Variants in AGK observed in about 807,000 individuals in gnomAD.
AGK encodes the protein acylglycerol kinase, mitochondrial.
Under a neutral mutation model 66.4 loss-of-function variants are expected in AGK, and 52 were observed. The observed-to-expected ratio is 0.78, with a 90% CI of 0.63 to 0.99. The LOEUF (loss-of-function observed/expected upper bound fraction) is 0.99. AGK is among the 50% of genes least tolerant of loss of function. The pLI is 0.00. For missense variants in AGK, 451 were observed against 506.6 expected (o/e 0.89, Z 1.05); for synonymous variants, 182 against 181.1 (o/e 1.00, Z -0.04).
chr7:141,601,098 G>A (rs1796330714), intron 4 of AGK, 107 bp from the exon 5 acceptor site: 7 of 723,016 alleles, frequency 9.7e-6, no homozygotes, highest in Non-Finnish European at 1.1e-5. Flanking sequence ...AAGGAAACCC[G>A]TATTGCATAG....
chr7:141,592,321 A>G (rs1796138596), intron 2 of AGK, among the ~76,000 whole-genome samples: 1 of 152,188 alleles, frequency 6.6e-6, no homozygotes, highest in Non-Finnish European at 1.5e-5. Context: ...AGGCCACCAC[A>G]TTCCTTGACT....
intron 14 of AGK, chr7:141,650,813 T>C (rs1309211446): frequency 2.9e-6 from 1 of 341,942 alleles, no homozygotes. Context: ...AATCCACAGG[T>C]TGTCAAGCCC....
At chr7:141,554,600 G>C (rs189841801) in intron 1 of AGK, among the ~76,000 whole-genome samples, 1 of 152,160 alleles carries the variant, frequency 6.6e-6, no homozygotes, top group Admixed American at 6.5e-5. Context: ...TTAGGCATGG[G>C]ATACAGCAGT....
chr7:141,623,413 A>T lies in AGK; in HGVS notation c.588+1612A>T, dbSNP rs542032649. ...AAAAAGAAAAAAAAAAGAAAGAAAA[A>T]AAAAAAGAAAGTGAAGCAGCCATGT... On this transcript the variant is annotated intron_variant, in intron 9 of 15. Transcript: ENST00000649286. 1.1e-4 allele frequency among the ~76,000 whole-genome samples: 17 copies of T among 151,982 alleles called. No homozygotes were observed. The East Asian group carries it at 2.7e-3, about 24-fold the overall frequency.
chr7:141,623,642 A>G (rs1796874308), intron 9 of AGK, among the ~76,000 whole-genome samples: 1 of 152,242 alleles, frequency 6.6e-6, no homozygotes, highest in African/African-American at 2.4e-5. Flanking sequence ...CCTCCTCCTA[A>G]CATAAAGTGC....
chr7:141,563,888 C>G lies in AGK; in HGVS notation c.101+8321C>G, dbSNP rs200945044. ...CCAACACATCATACGTTCCTCAACT[C>G]CATTTTTCACATGTCATTCCTGGGC... On this transcript the variant is annotated intron_variant, in intron 2 of 15. Transcript: ENST00000649286. Among the ~76,000 whole-genome samples the G allele has an allele frequency of 2.6e-5, 4 of 152,214 alleles. No individual in the cohort carries two copies. In the East Asian group the frequency reaches 7.7e-4, roughly 29 times the overall value.
intron 15 of AGK, 66 bp downstream of exon 15, chr7:141,651,675 G>A (rs1419202518): frequency 7.0e-7 from 1 of 1,432,384 alleles, no homozygotes; most frequent in East Asian, 2.3e-5. Flanking sequence ...CCCCTCTGTG[G>A]TGTCCCATCC....
chr7:141,558,258 A>G (rs1372645015), intron 2 of AGK, among the ~76,000 whole-genome samples: 2 of 151,828 alleles, frequency 1.3e-5, no homozygotes, highest in African/African-American at 4.8e-5. Flanking sequence ...CCGAGGTTCA[A>G]GTGATTCTCT....
intron 8 of AGK, among the ~76,000 whole-genome samples, chr7:141,619,555 C>T (rs1796779697): frequency 6.6e-6 from 1 of 151,722 alleles, no homozygotes; most frequent in African/African-American, 2.4e-5. Flanking sequence ...GGATTGTAAA[C>T]CTATATATAA....
chr7:141,593,335 A>G (rs1330474451), intron 3 of AGK, 150 bp downstream of exon 3: 6 of 744,356 alleles, frequency 8.1e-6, no homozygotes, highest in Admixed American at 4.0e-5. Flanking sequence ...CTGGGAGCCA[A>G]CTCTGAGTAG....
intron 4 of AGK, among the ~76,000 whole-genome samples, chr7:141,597,687 A>G (rs1236928614): frequency 6.6e-6 from 1 of 151,920 alleles, no homozygotes; most frequent in Non-Finnish European, 1.5e-5. Context: ...CCTGGGTAAC[A>G]TGGTGAAACT....
At chr7:141,647,558 A>ACAT (rs1797446515) in intron 13 of AGK, among the ~76,000 whole-genome samples, 1 of 152,210 alleles carries the variant, frequency 6.6e-6, no homozygotes, top group African/African-American at 2.4e-5. Context: ...TCAGATCAGC[A>ACAT]CATCAGTATC....
intron 2 of AGK, among the ~76,000 whole-genome samples, chr7:141,570,584 A>G (rs1795580160): frequency 6.6e-6 from 1 of 152,124 alleles, no homozygotes; most frequent in African/African-American, 2.4e-5. Flanking sequence ...GAGCTATAGC[A>G]GATATCAATA....
chr7:141,625,589 G>A (rs1346481812), intron 9 of AGK, among the ~76,000 whole-genome samples: 1 of 151,902 alleles, frequency 6.6e-6, no homozygotes, highest in Non-Finnish European at 1.5e-5. Context: ...GATGACCTTT[G>A]GTCCACAAGT....
intron 9 of AGK, among the ~76,000 whole-genome samples, chr7:141,632,994 A>G (rs1160191388): frequency 6.6e-6 from 1 of 152,200 alleles, no homozygotes; most frequent in African/African-American, 2.4e-5. Flanking sequence ...AGAAGACAGC[A>G]TGCTTTCTCT....
intron 5 of AGK, among the ~76,000 whole-genome samples, chr7:141,610,840 T>C (rs11771708): frequency 0.47 from 72,165 of 151,990 alleles, 17,331 homozygotes; most frequent in East Asian, 0.58. Context: ...ATCTGCTTCT[T>C]CCTATTTGCA....
rs1258347267 is a variant in AGK, at chr7:141,633,918, T to C, written c.606T>C (p.Pro202=). Residue 202 remains proline (P), a synonymous_variant, in exon 10 of 16, where the codon CCT becomes CCC. Coordinates refer to ENST00000649286, the MANE Select transcript of AGK (RefSeq NM_018238.4). ...ACTTCCAGGGTGAAAAGGAACAGCC[T>C]GTATTTGCAATGACCGGCCTTCGAT... ...VLQIKGEKEQ[P]VFAMTGLRWG... 2 of 1,613,982 alleles carry C rather than the reference T, an allele frequency of 1.2e-6. No individual in the cohort carries two copies. The highest frequency in any genetic ancestry group is 1.7e-6 in the Non-Finnish European group (2 of 1,179,828).
At chr7:141,647,722 G>A (rs1301449535) in intron 13 of AGK, among the ~76,000 whole-genome samples, 1 of 152,210 alleles carries the variant, frequency 6.6e-6, no homozygotes, top group African/African-American at 2.4e-5. Flanking sequence ...CCAGGCTGGA[G>A]TGCAATCGTG....
At chr7:141,584,215 G>A (rs1795946555) in intron 2 of AGK, among the ~76,000 whole-genome samples, 1 of 152,148 alleles carries the variant, frequency 6.6e-6, no homozygotes, top group South Asian at 2.1e-4. Flanking sequence ...GTCAAAGGGG[G>A]TTGTTCTCTG....
Sources: allele counts gnomAD v4.1 joint callset (sites outside exome capture counted in the v4.1 genomes callset), GRCh38; gene constraint gnomAD v4.1.1; transcripts MANE v1.5; gene names NCBI Gene and HGNC (gene_info 2026-07-23, HGNC 2026-07-21).